The following SYNDIG1 variants were observed in gnomAD, a reference collection of about 807,000 sequenced individuals.
SYNDIG1 encodes the protein synapse differentiation inducing 1.
SYNDIG1 carries 9 observed loss-of-function variants against 19.4 expected under a neutral mutation model. That is an observed-to-expected ratio of 0.46 (90% CI 0.28 to 0.81). SYNDIG1 has a LOEUF of 0.81. Among genes scored for constraint, SYNDIG1 ranks in the 30% least tolerant of loss-of-function variants. SYNDIG1 has a pLI of 0.12. For missense variants in SYNDIG1, 311 were observed against 343.3 expected (o/e 0.91, Z 0.74); for synonymous variants, 141 against 145.9 (o/e 0.97, Z 0.24).
intron 3 of SYNDIG1, among the ~76,000 whole-genome samples, chr20:24,638,226 A>G (rs2059335505): frequency 6.6e-6 from 1 of 152,258 alleles, no homozygotes; most frequent in Non-Finnish European, 1.5e-5. Flanking sequence ...AAGGACAGAA[A>G]AACCAAGATG....
chr20:24,606,555 A>G (rs1175145168), intron 3 of SYNDIG1, among the ~76,000 whole-genome samples: 1 of 152,248 alleles, frequency 6.6e-6, no homozygotes, highest in Non-Finnish European at 1.5e-5. Context: ...GAAAGTTATT[A>G]TAAAAAGAGA....
Position 24,499,045 on chromosome 20 carries a change from C to T in SYNDIG1, c.-79+29292C>T, listed in dbSNP as rs560589659. Among the ~76,000 whole-genome samples, 8 of 151,964 alleles carry T rather than the reference C, an allele frequency of 5.3e-5. No homozygotes were observed. The South Asian group carries it at 6.2e-4, about 12-fold the overall frequency. On this transcript the variant is annotated intron_variant, in intron 1 of 3. Coordinates refer to ENST00000376862, the MANE Select transcript of SYNDIG1 (RefSeq NM_024893.3). The stretch of plus-strand genomic sequence containing the variant: ...GTTTGTTTGTTTGTTTGTTTTGAGA[C>T]GGAGTCTAGCTGTCGCAAGTGCAGG...
chr20:24,508,445 T>C (rs1412394199), intron 1 of SYNDIG1, among the ~76,000 whole-genome samples: 1 of 151,174 alleles, frequency 6.6e-6, no homozygotes, highest in African/African-American at 2.4e-5. Context: ...GCCAAACTCC[T>C]GACCTCAAGT....
rs191097512 is a variant in SYNDIG1, at chr20:24,607,925, T to C, written c.618+22932T>C. 9.1e-4 allele frequency among the ~76,000 whole-genome samples: 139 copies of C among 152,346 alleles called. 3 individuals carry two copies. The East Asian group carries it at 0.025, about 27-fold the overall frequency. ...TGTCCTGCAATTTACTTCAAGTATA[T>C]TTAAAATACAGGTTTATACAGAAAT... On this transcript the variant is annotated intron_variant, in intron 3 of 3. Transcript: ENST00000376862.
intron 1 of SYNDIG1, among the ~76,000 whole-genome samples, chr20:24,494,647 G>A (rs1489142321): frequency 6.6e-6 from 1 of 152,140 alleles, no homozygotes; most frequent in Non-Finnish European, 1.5e-5. Flanking sequence ...CGGGAGGGTG[G>A]GCAGGACTGG....
intron 1 of SYNDIG1, among the ~76,000 whole-genome samples, chr20:24,509,510 G>C (rs1042258711): frequency 6.6e-6 from 1 of 152,172 alleles, no homozygotes; most frequent in Non-Finnish European, 1.5e-5. Context: ...AGTGTGGTTA[G>C]TTTTGCTGTT....
intron 2 of SYNDIG1, among the ~76,000 whole-genome samples, chr20:24,556,090 G>A (rs1600613902): frequency 6.6e-6 from 1 of 151,966 alleles, no homozygotes; most frequent in Non-Finnish European, 1.5e-5. Context: ...GATCTTTGTT[G>A]GTTTAAAGTC....
chr20:24,503,254 G>C (rs1292259484), intron 1 of SYNDIG1, among the ~76,000 whole-genome samples: 8 of 152,184 alleles, frequency 5.3e-5, no homozygotes, highest in Non-Finnish European at 1.5e-5. Context: ...CCTTCTGCAC[G>C]GTACTTATCA....
rs562782168 is a variant in SYNDIG1 at position 24,545,060 on chromosome 20, T to G, written c.480+1483T>G. Among the ~76,000 whole-genome samples the G allele has an allele frequency of 3.9e-5, 6 of 152,128 alleles. No individual in the cohort carries two copies. The East Asian group carries it at 9.7e-4, about 25-fold the overall frequency. ...CACTTGATAGAAAGGCCGGAGAAAT[T>G]GCAAGGGAATGACAGGCCAAGGAGA... On this transcript the variant is annotated intron_variant, in intron 2 of 3. Coordinates refer to ENST00000376862, the MANE Select transcript of SYNDIG1 (RefSeq NM_024893.3).
chr20:24,599,647 T>C (rs1186522016), intron 3 of SYNDIG1, among the ~76,000 whole-genome samples: 6 of 152,212 alleles, frequency 3.9e-5, no homozygotes, highest in African/African-American at 1.4e-4. Context: ...GAATACGATT[T>C]GGCCATAACA....
At chr20:24,512,425 C>T (rs905297105) in intron 1 of SYNDIG1, among the ~76,000 whole-genome samples, 2 of 151,832 alleles carry the variant, frequency 1.3e-5, no homozygotes, top group African/African-American at 4.8e-5. Context: ...CCTGGAAAAT[C>T]AGGTCCCTCC....
At chr20:24,545,205 C>T (rs751121387) in intron 2 of SYNDIG1, among the ~76,000 whole-genome samples, 5 of 152,094 alleles carry the variant, frequency 3.3e-5, no homozygotes, top group African/African-American at 7.2e-5. Flanking sequence ...GCCGGTGGAG[C>T]CCGGGAAGCC....
At chr20:24,506,840 A>G (rs1251805203) in intron 1 of SYNDIG1, among the ~76,000 whole-genome samples, 1 of 152,090 alleles carries the variant, frequency 6.6e-6, no homozygotes, top group African/African-American at 2.4e-5. Context: ...CCCCAGTCAC[A>G]TGTGAGGGGC....
intron 2 of SYNDIG1, among the ~76,000 whole-genome samples, chr20:24,564,647 C>A (rs1454274580): frequency 6.6e-6 from 1 of 152,152 alleles, no homozygotes. Flanking sequence ...AGATGAAGAA[C>A]AAGCTCATCG....
At chr20:24,618,812 C>CAA (rs2058990690) in intron 3 of SYNDIG1, among the ~76,000 whole-genome samples, 1 of 146,554 alleles carries the variant, frequency 6.8e-6, no homozygotes. Context: ...GACTCTTTTT[C>CAA]CTTTTTCCTT....
At chr20:24,549,094 T>G (rs143725743) in intron 2 of SYNDIG1, among the ~76,000 whole-genome samples, 1 of 152,164 alleles carries the variant, frequency 6.6e-6, no homozygotes, top group Admixed American at 6.5e-5. Flanking sequence ...TCCTCTTAGC[T>G]ATTTGAAACT....
At chr20:24,561,312 C>G (rs946578757) in intron 2 of SYNDIG1, among the ~76,000 whole-genome samples, 2 of 152,202 alleles carry the variant, frequency 1.3e-5, no homozygotes, top group Non-Finnish European at 2.9e-5. Flanking sequence ...CTATGCTTCC[C>G]TCATTTCCAG....
intron 1 of SYNDIG1, among the ~76,000 whole-genome samples, chr20:24,519,839 G>C (rs939039271): frequency 2.0e-5 from 3 of 148,122 alleles, no homozygotes; most frequent in African/African-American, 2.5e-5. Context: ...ACGCGCACAT[G>C]CACACACACA....
chr20:24,473,691 C>T (rs577247351), intron 1 of SYNDIG1, among the ~76,000 whole-genome samples: 7 of 152,140 alleles, frequency 4.6e-5, no homozygotes, highest in African/African-American at 1.4e-4. Flanking sequence ...GGGCCTTTCC[C>T]GAGTGCCATG....
Sources: allele counts gnomAD v4.1 joint callset (sites outside exome capture counted in the v4.1 genomes callset), GRCh38; gene constraint gnomAD v4.1.1; transcripts MANE v1.5; gene names NCBI Gene and HGNC (gene_info 2026-07-23, HGNC 2026-07-21).